SPTA1: variants seen among roughly 807,000 people sequenced by gnomAD.
SPTA1 encodes the protein spectrin alpha, erythrocytic 1.
In SPTA1, 177 loss-of-function variants were observed where a neutral mutation model predicts 324.7. That is an observed-to-expected ratio of 0.55 (90% CI 0.48 to 0.62). SPTA1 has a LOEUF of 0.62. Ranked by LOEUF, SPTA1 falls within the 20% of genes least tolerant of loss-of-function variation. The pLI is 0.00. For synonymous variants in SPTA1, 1,195 were observed against 1,041.3 expected, an observed-to-expected ratio of 1.15 and a Z score of -2.84; for missense variants, 3,162 against 2,883.6, an observed-to-expected ratio of 1.10 and a Z score of -2.21.
chr1:158,654,596 A>C lies in SPTA1; in HGVS notation c.3036+15T>G, dbSNP rs1474408392. On this transcript the variant is annotated intron_variant, in intron 21 of 51. Transcript: ENST00000643759. ...AGAGCCACTTTTTGATGGAAAGATTAGAAGGAAAAGTCACCTTATTGATGG... is the reference window on the plus strand; with the variant it reads ...AGAGCCACTTTTTGATGGAAAGATTCGAAGGAAAAGTCACCTTATTGATGG... The C allele has an allele frequency of 6.2e-7, 1 of 1,614,000 alleles. No homozygotes were observed. Among genetic ancestry groups the C allele is most frequent in the South Asian group, 1.1e-5 (1 of 91,066 alleles).
At chr1:158,634,164 C>T (rs1571407049) in intron 39 of SPTA1, among the ~76,000 whole-genome samples, 1 of 152,104 alleles carries the variant, frequency 6.6e-6, no homozygotes, top group African/African-American at 2.4e-5. Flanking sequence ...CAGCCAATGT[C>T]CAGACATAAG....
Position 158,617,583 on chromosome 1 carries a change from A to G in SPTA1, c.6554T>C (p.Leu2185Ser), listed in dbSNP as rs1193630399. Residue 2185 changes from leucine to serine, a missense_variant, in exon 47 of 52, where the codon TTG becomes TCG. Physicochemically the swap from Leu to Ser is moderately radical, Grantham distance 145 (BLOSUM62 -2). Transcript: ENST00000643759. ...ETRAYFLDGS[L>S]LKETGTLESQ... ...TTCCAGAGTTCCTGTTTCTTTGAGC[A>G]ATGATCTAGTTAAGAACCGAAGGAA... 1.9e-6 allele frequency: 3 copies of G among 1,613,084 alleles called. No homozygotes were observed. Among genetic ancestry groups the G allele is most frequent in the Admixed American group, 1.7e-5 (1 of 60,004 alleles).
At chr1:158,647,806 C>T in intron 26 of SPTA1, 86 bp from the exon 27 acceptor site, 2 of 1,422,856 alleles carry the variant, frequency 1.4e-6, no homozygotes, top group South Asian at 2.4e-5. Context: ...CAGTATTCAG[C>T]TCCTCAAATA....
chr1:158,643,369 GT>G lies in SPTA1; in HGVS notation c.4394del (p.His1465ProfsTer15). The G allele has an allele frequency of 6.2e-7, 1 of 1,613,914 alleles. No individual in the cohort carries two copies. Among genetic ancestry groups the G allele is most frequent in the Non-Finnish European group, 8.5e-7 (1 of 1,179,906 alleles). On this transcript the variant is annotated frameshift_variant, in exon 31 of 52. Coordinates refer to ENST00000643759, the MANE Select transcript of SPTA1 (RefSeq NM_003126.4). LOFTEE classifies it high-confidence loss of function. ...HFAESLIADE[H>X]YAKEEIATRL... is the part of the protein sequence containing the mutation. ...GCGTAGCAATCTCTTCTTTGGCATA[GT>G]GTTCATCAGCAATGAGGCTCTCAGC...
At chr1:158,664,286 C>T (rs1653441437) in intron 16 of SPTA1, among the ~76,000 whole-genome samples, 1 of 152,102 alleles carries the variant, frequency 6.6e-6, no homozygotes, top group Non-Finnish European at 1.5e-5. Context: ...CTCAGATGCC[C>T]ATCTATGATA....
At chr1:158,636,327 CAG>C (rs370082416) in intron 37 of SPTA1, among the ~76,000 whole-genome samples, 130 of 152,278 alleles carry the variant, frequency 8.5e-4, no homozygotes, top group African/African-American at 3.0e-3. Context: ...AAGTCAGACC[CAG>C]AGTTGCCTTC....
At chr1:158,634,782 A>C in intron 38 of SPTA1, 107 bp from the exon 39 acceptor site, 1 of 1,338,884 alleles carries the variant, frequency 7.5e-7, no homozygotes. Context: ...TATTCTCACA[A>C]GGCAGCCACA....
chr1:158,653,446 C>G (rs1259532090), intron 21 of SPTA1, 21 bp from the exon 22 acceptor site: 1 of 1,613,550 alleles, frequency 6.2e-7, no homozygotes, highest in African/African-American at 1.3e-5. Context: ...AGCAGATCCC[C>G]ACTCCGTCAT....
At chr1:158,656,348 A>G (rs1652823304) in intron 20 of SPTA1, among the ~76,000 whole-genome samples, 1 of 152,206 alleles carries the variant, frequency 6.6e-6, no homozygotes, top group Admixed American at 6.5e-5. Flanking sequence ...TACATCAATG[A>G]AGACATGATA....
chr1:158,616,212 T>G (rs1649548980), intron 47 of SPTA1, among the ~76,000 whole-genome samples: 1 of 152,226 alleles, frequency 6.6e-6, no homozygotes, highest in East Asian at 1.9e-4. Flanking sequence ...ATATGTTGGA[T>G]GTCTATTACC....
intron 5 of SPTA1, among the ~76,000 whole-genome samples, chr1:158,678,750 G>C (rs539649382): frequency 6.6e-6 from 1 of 152,186 alleles, no homozygotes; most frequent in East Asian, 1.9e-4. Context: ...TGTTGCATCT[G>C]TGCCCACAGC....
chr1:158,619,398 T>C (rs1649768903), intron 44 of SPTA1, 64 bp from the exon 45 acceptor site: 2 of 1,508,774 alleles, frequency 1.3e-6, no homozygotes, highest in African/African-American at 1.4e-5. Flanking sequence ...ATAAGAGAAT[T>C]GGTTTGTAGG....
chr1:158,686,151 T>C (rs182578402), intron 1 of SPTA1, among the ~76,000 whole-genome samples: 34 of 152,302 alleles, frequency 2.2e-4, no homozygotes, highest in African/African-American at 7.9e-4. Flanking sequence ...TCTCCCATTA[T>C]TCCTCCTAAG....
At chr1:158,641,001 G>A (rs1482349267) in intron 33 of SPTA1, among the ~76,000 whole-genome samples, 1 of 152,094 alleles carries the variant, frequency 6.6e-6, no homozygotes, top group Non-Finnish European at 1.5e-5. Flanking sequence ...CAGAAATAAT[G>A]CTGCTTATCT....
At chr1:158,679,134 A>C (rs961763635) in intron 5 of SPTA1, among the ~76,000 whole-genome samples, 1 of 151,890 alleles carries the variant, frequency 6.6e-6, no homozygotes, top group Non-Finnish European at 1.5e-5. Context: ...AGGCATTCCC[A>C]TATGCCTAAG....
rs756540972 is a variant in SPTA1 at position 158,620,332 on chromosome 1, A to G, written c.6255T>C (p.His2085=). ...TAGCCAGGGAGGCCAAGAAGTCCTC[A>G]TGGTCTTTCTGCAGCTGCCGAATTT... ...LNEIRQLQKD[H]EDFLASLARA... Residue 2085 remains histidine (H), a synonymous_variant, in exon 44 of 52, where the codon CAT becomes CAC. Coordinates refer to ENST00000643759, the MANE Select transcript of SPTA1 (RefSeq NM_003126.4). 1 of 1,614,134 alleles carries G rather than the reference A, an allele frequency of 6.2e-7. No homozygotes were observed. Among genetic ancestry groups the G allele is most frequent in the Non-Finnish European group, 8.5e-7 (1 of 1,180,028 alleles).
At position 158,669,841 on chromosome 1, in the gene SPTA1, T is replaced by C. The variant is rs918550127; in HGVS notation, c.1600-55A>G. 6 of 1,562,160 alleles carry C rather than the reference T, an allele frequency of 3.8e-6. No individual in the cohort carries two copies. In the African/African-American group the frequency reaches 8.1e-5, roughly 21 times the overall value. The stretch of plus-strand genomic sequence containing the variant: ...TTTCCTTCAGTGACCACTGAGTAAG[T>C]GGCCATAGTTTGGGTAGCTGTTTAA... On this transcript the variant is annotated intron_variant, in intron 12 of 51. Transcript: ENST00000643759.
chr1:158,686,682 G>T lies in SPTA1; in HGVS notation c.-165C>A. The T allele has an allele frequency of 1.7e-6, 1 of 604,230 alleles. No homozygotes were observed. Among genetic ancestry groups the T allele is most frequent in the Non-Finnish European group, 2.9e-6 (1 of 339,570 alleles). 37.4% of individuals were successfully genotyped at this position (604,230 alleles called of 1,614,324 possible). ...CTTGCTTGGTCCTAGAATCCCATCA[G>T]CCATACACAATCGACATTATCTTTA... is the stretch of plus-strand genomic sequence containing the variant. On this transcript the variant is annotated 5_prime_UTR_variant, in exon 1 of 52. It adds an upstream start codon to the 5' untranslated region. Coordinates refer to ENST00000643759, the MANE Select transcript of SPTA1 (RefSeq NM_003126.4).
At chr1:158,651,329 ACCTGGT>A in intron 24 of SPTA1, 32 bp downstream of exon 24, 1 of 1,425,178 alleles carries the variant, frequency 7.0e-7, no homozygotes, top group Non-Finnish European at 9.9e-7. Flanking sequence ...CCAAAGCCCA[ACCTGGT>A]AGTGAGGAGG....
Sources: gnomAD v4.1 joint callset for allele counts (sites outside exome capture counted in the v4.1 genomes callset) on GRCh38, gnomAD v4.1.1 for gene constraint, MANE v1.5 for transcripts, NCBI Gene and HGNC (gene_info 2026-07-23, HGNC 2026-07-21) for gene names.